ARHGAP32: variants seen among roughly 807,000 people sequenced by gnomAD.
ARHGAP32 encodes Rho GTPase activating protein 32, also known as rho GTPase-activating protein 32.
ARHGAP32 carries 51 observed loss-of-function variants against 186.5 expected under a neutral mutation model. That is an observed-to-expected ratio of 0.27 (90% CI 0.22 to 0.35). ARHGAP32 has a LOEUF of 0.35. ARHGAP32 is among the 10% of genes least tolerant of loss of function. The pLI, the probability that ARHGAP32 is intolerant of heterozygous loss-of-function variation, is 1.00. For synonymous variants in ARHGAP32, 950 were observed against 964.3 expected (o/e 0.99, Z 0.27); for missense variants, 2,186 against 2,623.5 (o/e 0.83, Z 3.64).
chr11:129,128,567 A>G (rs1262564957), intron 2 of ARHGAP32, among the ~76,000 whole-genome samples: 1 of 151,870 alleles, frequency 6.6e-6, no homozygotes, highest in Non-Finnish European at 1.5e-5. Context: ...GATTAAAAAT[A>G]TTTCCCTCCC....
At chr11:129,160,692 T>C (rs987963147) in intron 2 of ARHGAP32, among the ~76,000 whole-genome samples, 3 of 152,204 alleles carry the variant, frequency 2.0e-5, no homozygotes, top group Admixed American at 6.5e-5. Flanking sequence ...TCCATGCTCA[T>C]GGATAGGAAG....
chr11:129,165,529 T>C (rs1458045364), intron 1 of ARHGAP32, among the ~76,000 whole-genome samples: 3 of 148,308 alleles, frequency 2.0e-5, no homozygotes, highest in Non-Finnish European at 4.5e-5. Context: ...TTCTCCAGAC[T>C]CTCTGCAAAT....
rs745938491 is a variant in ARHGAP32, at chr11:128,970,978, C to G, written c.4235G>C (p.Arg1412Pro). 6.2e-7 allele frequency: 1 copy of G among 1,613,836 alleles called. No homozygotes were observed. Among genetic ancestry groups the G allele is most frequent in the Non-Finnish European group, 8.5e-7 (1 of 1,179,998 alleles). Reference protein sequence around the residue: ...DGARVPLLHLRAESVPAHPCG... With the variant: ...DGARVPLLHLPAESVPAHPCG... ...GGGATGCGCAGGGACAGACTCGGCGCGCAGGTGCAGCAGCGGGACCCGGGC... is the reference window on the plus strand; with the variant it reads ...GGGATGCGCAGGGACAGACTCGGCGGGCAGGTGCAGCAGCGGGACCCGGGC... The change falls in exon 23 of 23, where the codon CGC (arginine) becomes CCC (proline). Residue 1412 changes from arginine to proline, a missense_variant. Transcript: ENST00000682385. The surrounding 1 kb of genome is among the most constrained non-coding windows in gnomAD (Gnocchi z 5.8).
chr11:129,119,836 G>A (rs1942474328), intron 5 of ARHGAP32, among the ~76,000 whole-genome samples: 1 of 152,028 alleles, frequency 6.6e-6, no homozygotes, highest in Non-Finnish European at 1.5e-5. Context: ...AAGGCCCTGA[G>A]AAGGGGGTGA....
chr11:129,011,267 C>G (rs762444394), intron 11 of ARHGAP32, among the ~76,000 whole-genome samples: 1 of 152,178 alleles, frequency 6.6e-6, no homozygotes, highest in African/African-American at 2.4e-5. Context: ...TAAACTGAGG[C>G]AGAGAATGCT....
intron 10 of ARHGAP32, among the ~76,000 whole-genome samples, chr11:129,058,188 T>TATACAC (rs1168873598): frequency 1.1e-4 from 15 of 133,922 alleles, no homozygotes; most frequent in African/African-American, 3.9e-4. Flanking sequence ...AAAAAAAATA[T>TATACAC]ACACACACAC....
chr11:129,041,032 G>A, intron 10 of ARHGAP32, 23 bp from the exon 11 acceptor site: 1 of 1,549,108 alleles, frequency 6.5e-7, no homozygotes, highest in Non-Finnish European at 8.8e-7. Context: ...AACAAAGAAA[G>A]GATTCTAAAC....
rs191722630 is a variant in ARHGAP32 at position 129,108,902 on chromosome 11, C to T, written c.444+14544G>A. ...GGGTTTCCATCACGTTAAGTATTTACCATTTTTATGTACTGGAAACATTTC... is the reference window on the plus strand; with the variant it reads ...GGGTTTCCATCACGTTAAGTATTTATCATTTTTATGTACTGGAAACATTTC... On this transcript the variant is annotated intron_variant, in intron 5 of 22. Transcript: ENST00000682385. 1.1e-3 allele frequency among the ~76,000 whole-genome samples: 162 copies of T among 152,224 alleles called. 1 individual carries two copies. The highest frequency in any genetic ancestry group is 3.5e-3 in the African/African-American group (147 of 41,556).
chr11:129,231,122 A>C (rs1245162838), intron 1 of ARHGAP32, among the ~76,000 whole-genome samples: 1 of 152,214 alleles, frequency 6.6e-6, no homozygotes, highest in African/African-American at 2.4e-5. Flanking sequence ...CAACAGAGTA[A>C]GACGCCATCT....
chr11:129,268,989 G>A (rs942118575), intron 1 of ARHGAP32, among the ~76,000 whole-genome samples: 3 of 152,178 alleles, frequency 2.0e-5, no homozygotes, highest in Admixed American at 2.0e-4. Flanking sequence ...TTAAACACAT[G>A]GCCGGGCACA....
chr11:129,036,877 G>A (rs991907956), intron 11 of ARHGAP32, among the ~76,000 whole-genome samples: 32 of 152,126 alleles, frequency 2.1e-4, no homozygotes, highest in African/African-American at 7.0e-4. Flanking sequence ...GGACCACTGG[G>A]CAAGAACAAT....
At chr11:129,165,912 G>C (rs1036786235) in intron 1 of ARHGAP32, among the ~76,000 whole-genome samples, 1 of 151,840 alleles carries the variant, frequency 6.6e-6, no homozygotes, top group African/African-American at 2.4e-5. Flanking sequence ...ACACAGTATG[G>C]GGAGAAGAGG....
At chr11:128,982,389 C>T (rs1784021) in intron 15 of ARHGAP32, among the ~76,000 whole-genome samples, 107,772 of 151,954 alleles carry the variant, frequency 0.71, 38,719 homozygotes, top group Middle Eastern at 0.79. Flanking sequence ...AACAATTCCA[C>T]ATATATTGTG....
chr11:129,158,356 A>G (rs1037214419), intron 2 of ARHGAP32, among the ~76,000 whole-genome samples: 1 of 151,908 alleles, frequency 6.6e-6, no homozygotes, highest in African/African-American at 2.4e-5. Flanking sequence ...ATAGGCTCAA[A>G]ATAAAGGGAA....
chr11:129,063,971 A>C lies in ARHGAP32; in HGVS notation c.816T>G (p.Thr272=), dbSNP rs1316400541. The C allele has an allele frequency of 2.7e-5, 43 of 1,612,676 alleles. No homozygotes were observed. Among genetic ancestry groups the C allele is most frequent in the Non-Finnish European group, 3.6e-5 (43 of 1,179,210 alleles). ...TAACATGGGCAGCACCGACAGCAGG[A>C]GTGTTGATGGATGACTCCTCATGAA... ...LLVHEESSIN[T]PAVGAAHVIK... Residue 272 remains threonine, a synonymous_variant, in exon 9 of 23, where the codon ACT becomes ACG. Coordinates refer to ENST00000682385, the MANE Select transcript of ARHGAP32 (RefSeq NM_001378024.1).
At chr11:129,234,181 T>C (rs1944895787) in intron 1 of ARHGAP32, among the ~76,000 whole-genome samples, 1 of 152,118 alleles carries the variant, frequency 6.6e-6, no homozygotes, top group African/African-American at 2.4e-5. Context: ...CTATCTAACA[T>C]TAAAGTTTTT....
intron 15 of ARHGAP32, among the ~76,000 whole-genome samples, chr11:128,983,653 A>C (rs10893944): frequency 2.0e-5 from 3 of 151,784 alleles, no homozygotes; most frequent in African/African-American, 7.2e-5. Flanking sequence ...TAAAAAAATA[A>C]ATAAATAAAA....
chr11:129,207,116 G>A (rs1358713447), intron 1 of ARHGAP32, among the ~76,000 whole-genome samples: 1 of 152,100 alleles, frequency 6.6e-6, no homozygotes, highest in Non-Finnish European at 1.5e-5. Context: ...AGTATTCCAT[G>A]GTGTATATGT....
intron 19 of ARHGAP32, among the ~76,000 whole-genome samples, chr11:128,978,335 A>G (rs1250555721): frequency 6.6e-6 from 1 of 152,206 alleles, no homozygotes; most frequent in Non-Finnish European, 1.5e-5. Flanking sequence ...ATTTGATCTA[A>G]TAAGATACTC....
Sources: gnomAD v4.1 joint callset for allele counts (sites outside exome capture counted in the v4.1 genomes callset) on GRCh38, gnomAD v4.1.1 for gene constraint, Gnocchi (gnomAD v3.1) non-coding constraint, MANE v1.5 for transcripts, NCBI Gene and HGNC (gene_info 2026-07-23, HGNC 2026-07-21) for gene names.